DDX10: variants seen among roughly 807,000 people sequenced by gnomAD.
The protein encoded by DDX10 is DEAD-box helicase 10.
A neutral mutation model predicts 104.3 loss-of-function variants in DDX10; 74 were observed. That is an observed-to-expected ratio of 0.71 (90% confidence interval 0.59 to 0.86). The LOEUF (loss-of-function observed/expected upper bound fraction) is 0.86, where lower values mean the gene tolerates loss of function less well. Among genes scored for constraint, DDX10 ranks in the 40% least tolerant of loss-of-function variants. DDX10 has a pLI of 0.00. For synonymous variants in DDX10, 351 were observed against 353.4 expected (o/e 0.99, Z 0.08); for missense variants, 952 against 1,040.0 (o/e 0.92, Z 1.16).
chr11:108,728,267 T>G (rs141188435), intron 13 of DDX10, among the ~76,000 whole-genome samples: 3,103 of 152,236 alleles, frequency 0.02, 45 homozygotes, highest in Non-Finnish European at 0.031. Context: ...AGAGATGATG[T>G]TCTTCCAAGG....
intron 2 of DDX10, among the ~76,000 whole-genome samples, chr11:108,674,711 C>T (rs1227915038): frequency 7.9e-5 from 12 of 152,060 alleles, no homozygotes; most frequent in Admixed American, 7.9e-4. Flanking sequence ...TAGAGTTTTG[C>T]CATGTTGCCC....
intron 13 of DDX10, among the ~76,000 whole-genome samples, chr11:108,798,730 G>C (rs545098690): frequency 6.6e-6 from 1 of 152,250 alleles, no homozygotes; most frequent in South Asian, 2.1e-4. Context: ...TGGTGTCTGA[G>C]AAGGATTACT....
intron 13 of DDX10, among the ~76,000 whole-genome samples, chr11:108,791,418 T>C (rs867562437): frequency 9.2e-4 from 140 of 152,358 alleles, no homozygotes; most frequent in African/African-American, 3.4e-3. Flanking sequence ...AAAGTGATTA[T>C]TTGTATTCAG....
At chr11:108,795,895 C>G (rs1416777617) in intron 13 of DDX10, among the ~76,000 whole-genome samples, 4 of 152,170 alleles carry the variant, frequency 2.6e-5, no homozygotes, top group Admixed American at 6.5e-5. Context: ...AATTCTAGTT[C>G]TAGATCCTTG....
At position 108,821,734 on chromosome 11, in the gene DDX10, AT is replaced by A. The variant is rs556380678; in HGVS notation, c.1966-16711del. Among the ~76,000 whole-genome samples the A allele has an allele frequency of 5.9e-5, 9 of 152,352 alleles. No individual in the cohort carries two copies. The South Asian group carries it at 1.4e-3, about 25-fold the overall frequency. Reference sequence around the variant, plus strand: ...CGTAAGAAAGCGCTTTTTTAAAAAAATGTGAGAATTGTTAAATAATCTTTAT... The same window carrying A: ...CGTAAGAAAGCGCTTTTTTAAAAAAAGTGAGAATTGTTAAATAATCTTTAT... On this transcript the variant is annotated intron_variant, in intron 13 of 17. Coordinates refer to ENST00000322536, the MANE Select transcript of DDX10 (RefSeq NM_004398.4).
chr11:108,845,091 C>A (rs1862696083), intron 15 of DDX10, among the ~76,000 whole-genome samples: 1 of 152,022 alleles, frequency 6.6e-6, no homozygotes, highest in Non-Finnish European at 1.5e-5. Context: ...GCCTGTAGTC[C>A]CAGCTACTCC....
chr11:108,892,621 T>A (rs898524164), intron 16 of DDX10, among the ~76,000 whole-genome samples: 9 of 152,176 alleles, frequency 5.9e-5, no homozygotes, highest in Non-Finnish European at 1.2e-4. Context: ...ATTATTAATT[T>A]GAAAATATGT....
chr11:108,867,205 G>C (rs1206651076), intron 16 of DDX10, among the ~76,000 whole-genome samples: 1 of 152,178 alleles, frequency 6.6e-6, no homozygotes, highest in Non-Finnish European at 1.5e-5. Context: ...AGTTAAAATA[G>C]AGGGTTTTGA....
At chr11:108,797,936 A>G (rs1173949320) in intron 13 of DDX10, among the ~76,000 whole-genome samples, 5 of 152,230 alleles carry the variant, frequency 3.3e-5, no homozygotes, top group African/African-American at 1.2e-4. Flanking sequence ...AAGGGAGCAG[A>G]GTGCAGGCTG....
chr11:108,719,474 G>A (rs2094295621), intron 11 of DDX10, among the ~76,000 whole-genome samples: 1 of 152,120 alleles, frequency 6.6e-6, no homozygotes, highest in Admixed American at 6.5e-5. Context: ...GCTTTGAATA[G>A]ATTCCAAATC....
intron 13 of DDX10, among the ~76,000 whole-genome samples, chr11:108,759,528 CA>C (rs933550054): frequency 6.6e-6 from 1 of 151,874 alleles, no homozygotes; most frequent in Non-Finnish European, 1.5e-5. Flanking sequence ...GTAAGGTAGT[CA>C]TCTATTTGAT....
intron 13 of DDX10, chr11:108,767,833 C>G (rs1406754160): frequency 6.6e-6 from 1 of 152,178 alleles, no homozygotes; most frequent in Non-Finnish European, 1.5e-5. Flanking sequence ...AAAAGTAACC[C>G]CAAGTGTGCC....
In DDX10 at chr11:108,841,373, A is replaced by C. The variant is rs1168823431; in HGVS notation, c.2144A>C (p.Asp715Ala). 1.9e-6 allele frequency: 3 copies of C among 1,613,864 alleles called. No individual in the cohort carries two copies. In the Admixed American group the frequency reaches 5.0e-5, roughly 27 times the overall value. Reference protein sequence around the residue: ...KSAIKDAEEDDDTGGINLHKA... With the variant: ...KSAIKDAEEDADTGGINLHKA... Reference sequence around the variant, plus strand: ...GCCATCAAGGATGCTGAGGAAGATGATGACACAGGTGGTATCAACTTACAT... The same window carrying C: ...GCCATCAAGGATGCTGAGGAAGATGCTGACACAGGTGGTATCAACTTACAT... The change falls in exon 15 of 18, where the codon GAT (aspartate) becomes GCT (alanine). Residue 715 changes from aspartate to alanine, a missense_variant. Transcript: ENST00000322536.
intron 13 of DDX10, among the ~76,000 whole-genome samples, chr11:108,803,994 A>G (rs566974326): frequency 6.6e-6 from 1 of 152,238 alleles, no homozygotes; most frequent in Non-Finnish European, 1.5e-5. Flanking sequence ...GCCTGTTTCC[A>G]GGGCAATTTC....
In DDX10 at chr11:108,691,867, A is replaced by T. The variant is rs2094253050; in HGVS notation, c.976-9A>T. ...CATAAGCAAACTTATTCTTCTGTTG[A>T]TGCCCCAGGTCCAGTATCTGTACCG... is the stretch of plus-strand genomic sequence containing the variant. On this transcript the variant is annotated splice_polypyrimidine_tract_variant and intron_variant, in intron 7 of 17. Coordinates refer to ENST00000322536, the MANE Select transcript of DDX10 (RefSeq NM_004398.4). The T allele has an allele frequency of 3.7e-6, 6 of 1,608,684 alleles. No individual in the cohort carries two copies. Among genetic ancestry groups the T allele is most frequent in the Non-Finnish European group, 5.1e-6 (6 of 1,177,870 alleles).
chr11:108,821,189 GA>G (rs1862321386), intron 13 of DDX10, among the ~76,000 whole-genome samples: 1 of 152,206 alleles, frequency 6.6e-6, no homozygotes, highest in Non-Finnish European at 1.5e-5. Flanking sequence ...AAGGGCTGAG[GA>G]TAGAAGGTGA....
intron 13 of DDX10, among the ~76,000 whole-genome samples, chr11:108,823,022 G>A (rs1026761814): frequency 2.6e-5 from 4 of 152,190 alleles, no homozygotes; most frequent in African/African-American, 4.8e-5. Context: ...ATGTGATCTC[G>A]AAATTGTCTC....
chr11:108,777,504 G>C (rs2094371640), intron 13 of DDX10, among the ~76,000 whole-genome samples: 1 of 151,974 alleles, frequency 6.6e-6, no homozygotes, highest in Non-Finnish European at 1.5e-5. Flanking sequence ...TGTGTTTTTA[G>C]TAGAGAAGGG....
Position 108,691,924 on chromosome 11 carries a change from A to G in DDX10, c.1024A>G (p.Ile342Val), listed in dbSNP as rs766342554. The G allele has an allele frequency of 6.2e-6, 10 of 1,613,716 alleles. No individual in the cohort carries two copies. The highest frequency in any genetic ancestry group is 2.7e-5 in the African/African-American group (2 of 74,754). Residue 342 changes from isoleucine (I) to valine (V), a missense_variant, in exon 8 of 18, where the codon ATC (isoleucine) becomes GTC (valine). By Grantham distance (29) the Ile-to-Val change is conservative. Coordinates refer to ENST00000322536, the MANE Select transcript of DDX10 (RefSeq NM_004398.4). ...VFCRLRPGVS[I>V]LALHGRQQQM... ...TTGCCGGCTACGTCCTGGTGTTTCT[A>G]TCCTTGCACTCCATGGTCGACAGCA...
Sources: gnomAD v4.1 joint callset for allele counts (sites outside exome capture counted in the v4.1 genomes callset) on GRCh38, gnomAD v4.1.1 for gene constraint, MANE v1.5 for transcripts, NCBI Gene and HGNC (gene_info 2026-07-23, HGNC 2026-07-21) for gene names.